Variants in ALDH8A1 observed in about 807,000 individuals in gnomAD.
ALDH8A1 encodes the protein aldehyde dehydrogenase 8 family member A1, also known as 2-aminomuconic semialdehyde dehydrogenase.
ALDH8A1 carries 39 observed loss-of-function variants against 43.3 expected under a neutral mutation model. The observed-to-expected ratio is 0.90, with a 90% confidence interval of 0.70 to 1.18. The LOEUF (loss-of-function observed/expected upper bound fraction) is 1.18, where lower values mean the gene tolerates loss of function less well. ALDH8A1 is among the 50% of genes most tolerant of loss of function. The pLI is 0.00. For missense variants in ALDH8A1, 605 were observed against 622.6 expected (o/e 0.97, Z 0.30); for synonymous variants, 233 against 243.5 (o/e 0.96, Z 0.40).
chr6:134,934,383 C>T (rs1368171166), intron 4 of ALDH8A1, among the ~76,000 whole-genome samples: 1 of 152,124 alleles, frequency 6.6e-6, no homozygotes, highest in African/African-American at 2.4e-5. Context: ...TTTAGCTAAC[C>T]ATCTGAAACT....
intron 2 of ALDH8A1, 129 bp from the exon 3 acceptor site, chr6:134,942,693 C>T: frequency 1.2e-6 from 1 of 853,994 alleles, no homozygotes. Flanking sequence ...GCAGGCATTC[C>T]TTGACCTCAC....
chr6:134,921,988 A>AT (rs1776809626), intron 6 of ALDH8A1, among the ~76,000 whole-genome samples: 1 of 152,228 alleles, frequency 6.6e-6, no homozygotes, highest in African/African-American at 2.4e-5. Flanking sequence ...AACTGAGCTG[A>AT]AAGCCTCATG....
intron 5 of ALDH8A1, among the ~76,000 whole-genome samples, chr6:134,931,015 C>G (rs1248174683): frequency 6.6e-6 from 1 of 152,188 alleles, no homozygotes; most frequent in Non-Finnish European, 1.5e-5. Context: ...CAATTACATT[C>G]AATTAAGGAA....
intron 6 of ALDH8A1, among the ~76,000 whole-genome samples, chr6:134,921,847 C>T (rs576917082): frequency 1.4e-4 from 21 of 152,334 alleles, no homozygotes; most frequent in African/African-American, 5.1e-4. Flanking sequence ...CATCCACTGC[C>T]TCCTCCAGCC....
intron 3 of ALDH8A1, among the ~76,000 whole-genome samples, chr6:134,941,802 C>T (rs1027292630): frequency 1.3e-5 from 2 of 151,634 alleles, no homozygotes; most frequent in South Asian, 2.1e-4. Flanking sequence ...GGATTACAGG[C>T]GTGAGCCACT....
At position 134,943,795 on chromosome 6, in the gene ALDH8A1, T is replaced by A. The variant is rs372954633; in HGVS notation, c.286+24A>T. The A allele has an allele frequency of 4.3e-6, 7 of 1,611,510 alleles. No homozygotes were observed. In the Admixed American group the frequency reaches 1.2e-4, roughly 27 times the overall value. ...AATCAGAGATGCCCTGAGTCCCATGTTACAGTTAAGAGGCAACTCTCACCT... is the reference window on the plus strand; with the variant it reads ...AATCAGAGATGCCCTGAGTCCCATGATACAGTTAAGAGGCAACTCTCACCT... On this transcript the variant is annotated intron_variant, in intron 2 of 6. Transcript: ENST00000265605.
At chr6:134,919,019 G>C (rs535863460) in intron 6 of ALDH8A1, 152 bp from the exon 7 acceptor site, 1 of 905,882 alleles carries the variant, frequency 1.1e-6, no homozygotes, top group East Asian at 2.6e-5. Context: ...CAGCTGCTAA[G>C]CCAGAGGGCA....
chr6:134,932,419 C>T (rs929342178), intron 5 of ALDH8A1, among the ~76,000 whole-genome samples: 7 of 152,004 alleles, frequency 4.6e-5, no homozygotes, highest in Admixed American at 1.3e-4. Context: ...GACATTTGAA[C>T]GACAAGCAAA....
rs1284454214 is a variant in ALDH8A1, at chr6:134,929,149, T to G, written c.916A>C (p.Arg306=). 1 of 1,614,036 alleles carries G rather than the reference T, an allele frequency of 6.2e-7. No individual in the cohort carries two copies. The highest frequency in any genetic ancestry group is 8.5e-7 in the Non-Finnish European group (1 of 1,180,022). The change falls in exon 6 of 7, where the codon AGA becomes CGA. Residue 306 remains arginine, a synonymous_variant. Transcript: ENST00000265605. ...QKSIYSEFLK[R]FVEATRKWKV... Reference sequence around the variant, plus strand: ...CACTTTCTGGTAGCTTCTACAAATCTCTTTAAAAATTCACTATAGATGCTC... The same window carrying G: ...CACTTTCTGGTAGCTTCTACAAATCGCTTTAAAAATTCACTATAGATGCTC...
chr6:134,921,429 A>G (rs144514744), intron 6 of ALDH8A1, among the ~76,000 whole-genome samples: 1 of 152,182 alleles, frequency 6.6e-6, no homozygotes, highest in Non-Finnish European at 1.5e-5. Flanking sequence ...ACAAAAAGCA[A>G]CCCTGCGAAA....
At chr6:134,931,987 T>C (rs186388445) in intron 5 of ALDH8A1, among the ~76,000 whole-genome samples, 48 of 152,330 alleles carry the variant, frequency 3.2e-4, no homozygotes, top group Non-Finnish European at 6.3e-4. Context: ...GCTGTTTCCT[T>C]CTATGAAGTT....
intron 4 of ALDH8A1, among the ~76,000 whole-genome samples, chr6:134,933,322 C>T (rs1583028875): frequency 6.6e-6 from 1 of 152,318 alleles, no homozygotes; most frequent in East Asian, 1.9e-4. Flanking sequence ...TTCCATAATA[C>T]TGGCTAGGCC....
chr6:134,942,526 G>A lies in ALDH8A1; in HGVS notation c.325C>T (p.Arg109Trp), dbSNP rs778196657. 8.1e-6 allele frequency: 13 copies of A among 1,613,958 alleles called. No homozygotes were observed. Among genetic ancestry groups the A allele is most frequent in the East Asian group, 4.5e-5 (2 of 44,884 alleles). ...LALARTMDIPRSVQNFRFFAS... is the reference protein window; with the variant it reads ...LALARTMDIPWSVQNFRFFAS... Reference sequence around the variant, plus strand: ...AAGAACCTGAAGTTCTGCACAGACCGGGGAATGTCCATGGTTCTTGCCAGT... The same window carrying A: ...AAGAACCTGAAGTTCTGCACAGACCAGGGAATGTCCATGGTTCTTGCCAGT... Residue 109 changes from arginine to tryptophan, a missense_variant, in exon 3 of 7, where the codon CGG (arginine) becomes TGG (tryptophan). Transcript: ENST00000265605.
At position 134,949,989 on chromosome 6, in the gene ALDH8A1, C is replaced by T. The variant is rs1165178193; in HGVS notation, c.65G>A (p.Ser22Asn). 1 of 1,613,062 alleles carries T rather than the reference C, an allele frequency of 6.2e-7. No homozygotes were observed. Among genetic ancestry groups the T allele is most frequent in the Non-Finnish European group, 8.5e-7 (1 of 1,179,592 alleles). Reference sequence around the variant, plus strand: ...TGGGTCGTAAGAATCTATATATGAGCTACAAGGTAAAAATTTTCCATCTAT... The same window carrying T: ...TGGGTCGTAAGAATCTATATATGAGTTACAAGGTAAAAATTTTCCATCTAT... ...NFIDGKFLPCSSYIDSYDPST... is the reference protein window; with the variant it reads ...NFIDGKFLPCNSYIDSYDPST... Residue 22 changes from serine to asparagine, a missense_variant, in exon 1 of 7, where the codon AGC (serine) becomes AAC (asparagine). Transcript: ENST00000265605.
chr6:134,945,621 T>C (rs28374355), intron 1 of ALDH8A1, among the ~76,000 whole-genome samples: 1 of 152,136 alleles, frequency 6.6e-6, no homozygotes, highest in Non-Finnish European at 1.5e-5. Context: ...CTCACATGCA[T>C]GAAAAATTAT....
At chr6:134,929,753 A>G (rs938058010) in intron 5 of ALDH8A1, among the ~76,000 whole-genome samples, 2 of 152,202 alleles carry the variant, frequency 1.3e-5, no homozygotes, top group Non-Finnish European at 2.9e-5. Flanking sequence ...GAGGCCAGCA[A>G]GGCTCTATCG....
intron 4 of ALDH8A1, among the ~76,000 whole-genome samples, chr6:134,938,006 G>A (rs1025930114): frequency 2.4e-4 from 37 of 152,150 alleles, no homozygotes; most frequent in African/African-American, 8.7e-4. Context: ...CATCTTCCTC[G>A]TGGAGTAAAG....
intron 4 of ALDH8A1, among the ~76,000 whole-genome samples, chr6:134,936,578 G>A (rs75905005): frequency 0.018 from 2,692 of 152,302 alleles, 79 homozygotes; most frequent in African/African-American, 0.059. Flanking sequence ...GGCAAAAAAT[G>A]AATGGAATCA....
At chr6:134,937,745 C>T (rs772613396) in intron 4 of ALDH8A1, among the ~76,000 whole-genome samples, 14 of 152,190 alleles carry the variant, frequency 9.2e-5, no homozygotes, top group South Asian at 2.1e-4. Flanking sequence ...AAGTATGTCG[C>T]GCCTTTGCAG....
Sources: allele counts gnomAD v4.1 joint callset (sites outside exome capture counted in the v4.1 genomes callset), GRCh38; gene constraint gnomAD v4.1.1; transcripts MANE v1.5; gene names NCBI Gene and HGNC (gene_info 2026-07-23, HGNC 2026-07-21).